Variants in MAF observed in about 807,000 individuals in gnomAD.
The protein encoded by MAF is MAF bZIP transcription factor, also known as transcription factor Maf.
In MAF, 10 loss-of-function variants were observed where a neutral mutation model predicts 22.0. The observed-to-expected ratio is 0.45, with a 90% CI of 0.28 to 0.77. The LOEUF (loss-of-function observed/expected upper bound fraction) is 0.77. MAF is among the 30% of genes least tolerant of loss of function. MAF has a pLI of 0.12. For missense variants in MAF, 544 were observed against 548.4 expected, an observed-to-expected ratio of 0.99 and a Z score of 0.08; for synonymous variants, 337 against 255.8, an observed-to-expected ratio of 1.32 and a Z score of -3.03.
At chr16:79,484,272 G>A in the MAF span, among the ~76,000 whole-genome samples, 2 of 152,190 alleles carry the variant, frequency 1.3e-5, no homozygotes, top group African/African-American at 4.8e-5. Flanking sequence ...AACTGGTGAT[G>A]ACGAGGCTGG....
chr16:79,487,196 T>C, the MAF span, among the ~76,000 whole-genome samples: 39 of 136,692 alleles, frequency 2.9e-4, no homozygotes, highest in African/African-American at 8.8e-4. Context: ...TCTCTAATGA[T>C]GAACTAGTGC....
the MAF span, among the ~76,000 whole-genome samples, chr16:79,517,657 C>T: frequency 6.7e-6 from 1 of 149,768 alleles, no homozygotes; most frequent in African/African-American, 2.5e-5. Context: ...TCACTGCAAT[C>T]TCTGCCTCCT....
At chr16:79,362,160 G>T in the MAF span, among the ~76,000 whole-genome samples, 1 of 152,132 alleles carries the variant, frequency 6.6e-6, no homozygotes, top group Non-Finnish European at 1.5e-5. Context: ...TCATTATAAA[G>T]GTATTGTGAG....
chr16:79,577,725 A>T, the MAF span, among the ~76,000 whole-genome samples: 2 of 152,226 alleles, frequency 1.3e-5, no homozygotes, highest in Non-Finnish European at 2.9e-5. Context: ...TCTGACTTTC[A>T]TAATAGTCTC....
At chr16:79,208,479 C>T in the MAF span, among the ~76,000 whole-genome samples, 8 of 152,102 alleles carry the variant, frequency 5.3e-5, no homozygotes, top group African/African-American at 1.2e-4. Context: ...GCATTGATGA[C>T]AACTGGCAAG....
At chr16:79,390,037 T>A in the MAF span, among the ~76,000 whole-genome samples, 1 of 149,152 alleles carries the variant, frequency 6.7e-6, no homozygotes, top group African/African-American at 2.5e-5. Context: ...ATTTTTCTCA[T>A]CTTTTTCCAG....
the MAF span, among the ~76,000 whole-genome samples, chr16:79,420,694 C>T: frequency 1.3e-5 from 2 of 152,258 alleles, no homozygotes; most frequent in East Asian, 1.9e-4. Context: ...TTCAGTCATC[C>T]GCGGTGAACC....
downstream of MAF, among the ~76,000 whole-genome samples, chr16:79,584,637 G>A (rs968034960): frequency 1.3e-5 from 2 of 152,126 alleles, no homozygotes; most frequent in Non-Finnish European, 2.9e-5. Flanking sequence ...TTTAATAGGA[G>A]GTTTTCACAT....
At chr16:79,578,447 T>C in the MAF span, among the ~76,000 whole-genome samples, 4 of 152,132 alleles carry the variant, frequency 2.6e-5, no homozygotes, top group African/African-American at 4.8e-5. Flanking sequence ...TTTCACACGA[T>C]GTATCATTTT....
At chr16:79,410,836 G>C in the MAF span, among the ~76,000 whole-genome samples, 1 of 152,194 alleles carries the variant, frequency 6.6e-6, no homozygotes, top group Non-Finnish European at 1.5e-5. Flanking sequence ...TGGGGTTTGG[G>C]TGTGAATCAG....
the MAF span, among the ~76,000 whole-genome samples, chr16:79,377,392 A>C: frequency 6.6e-6 from 1 of 151,960 alleles, no homozygotes; most frequent in Non-Finnish European, 1.5e-5. Flanking sequence ...TTTCCTCGTA[A>C]ATTTGTTTGA....
At chr16:79,348,615 T>A in the MAF span, among the ~76,000 whole-genome samples, 9 of 152,236 alleles carry the variant, frequency 5.9e-5, no homozygotes, top group Admixed American at 2.0e-4. Flanking sequence ...AAAGTGTCCG[T>A]ATCATCATAT....
At chr16:79,233,276 T>C in the MAF span, among the ~76,000 whole-genome samples, 1 of 152,024 alleles carries the variant, frequency 6.6e-6, no homozygotes, top group Non-Finnish European at 1.5e-5. Flanking sequence ...TGGACCCTAA[T>C]ACAGGTTGTG....
At chr16:79,445,783 C>T in the MAF span, among the ~76,000 whole-genome samples, 4 of 152,210 alleles carry the variant, frequency 2.6e-5, no homozygotes, top group African/African-American at 7.2e-5. Context: ...TTCCCGGAGG[C>T]CCTTTTATTA....
At chr16:79,433,806 C>G in the MAF span, among the ~76,000 whole-genome samples, 7 of 151,860 alleles carry the variant, frequency 4.6e-5, no homozygotes, top group East Asian at 1.4e-3. Flanking sequence ...TTGAGGAATT[C>G]TACGTTTGAT....
chr16:79,526,866 A>G, the MAF span, among the ~76,000 whole-genome samples: 2 of 152,216 alleles, frequency 1.3e-5, no homozygotes, highest in Non-Finnish European at 2.9e-5. Context: ...ATAATAGTAG[A>G]AGGTAGTAAA....
the MAF span, among the ~76,000 whole-genome samples, chr16:79,400,647 G>C: frequency 6.6e-6 from 1 of 152,202 alleles, no homozygotes; most frequent in Non-Finnish European, 1.5e-5. Context: ...AGCATCTCCT[G>C]ATTGGGATCT....
chr16:79,207,215 G>C, the MAF span, among the ~76,000 whole-genome samples: 2 of 152,190 alleles, frequency 1.3e-5, no homozygotes, highest in Admixed American at 6.5e-5. Context: ...GTTCCTAGTG[G>C]TGTATTCACA....
At chr16:79,404,312 C>T in the MAF span, among the ~76,000 whole-genome samples, 1 of 151,942 alleles carries the variant, frequency 6.6e-6, no homozygotes, top group Non-Finnish European at 1.5e-5. Context: ...TACAGGTGCC[C>T]ACCACCACAC....
Sources: gnomAD v4.1 joint callset for allele counts (sites outside exome capture counted in the v4.1 genomes callset) on GRCh38, gnomAD v4.1.1 for gene constraint, MANE v1.5 for transcripts, NCBI Gene and HGNC (gene_info 2026-07-23, HGNC 2026-07-21) for gene names.